The following NUDCD2 variants were observed in gnomAD, a reference collection of about 807,000 sequenced individuals.
NUDCD2 encodes NudC domain containing 2, also known as nudC domain-containing protein 2.
NUDCD2 carries 16 observed loss-of-function variants against 20.8 expected under a neutral mutation model. The ratio of observed to expected loss-of-function variants is 0.77; its 90% confidence interval spans 0.52 to 1.17. NUDCD2 has a LOEUF of 1.17. Ranked by LOEUF, NUDCD2 falls within the 50% of genes most tolerant of loss-of-function variation. NUDCD2 has a pLI of 0.00. For missense variants in NUDCD2, 199 were observed against 193.9 expected, an observed-to-expected ratio of 1.03 and a Z score of -0.16; for synonymous variants, 87 against 72.8, an observed-to-expected ratio of 1.20 and a Z score of -1.00.
rs534353131 is a variant in NUDCD2, at chr5:163,451,341, A to G, written c.*2626T>C. 2 of 152,320 alleles carry G rather than the reference A, an allele frequency of 1.3e-5. No homozygotes were observed. The highest frequency in any genetic ancestry group is 4.8e-5 in the African/African-American group (2 of 41,578). 9.4% of individuals were successfully genotyped at this position (152,320 alleles called of 1,614,324 possible). A position where few individuals can be genotyped will look rare whatever the true frequency, so the allele number is the denominator to read the frequency against. ...TTATAACATGCTTGAAGACAAAAATATGGAGATGGGGATTAGATCAGTGGT... is the reference window on the plus strand; with the variant it reads ...TTATAACATGCTTGAAGACAAAAATGTGGAGATGGGGATTAGATCAGTGGT... On this transcript the variant is annotated 3_prime_UTR_variant, in exon 4 of 4. Coordinates refer to ENST00000302764, the MANE Select transcript of NUDCD2 (RefSeq NM_145266.6).
At chr5:163,457,774 T>C (rs996569485) in intron 1 of NUDCD2, among the ~76,000 whole-genome samples, 164 bp from the exon 2 acceptor site, 1 of 152,062 alleles carries the variant, frequency 6.6e-6, no homozygotes, top group Non-Finnish European at 1.5e-5. Context: ...GCAGGTAAAA[T>C]GGAAACTAGT....
intron 1 of NUDCD2, among the ~76,000 whole-genome samples, chr5:163,457,979 CTTTTTTTTTTTTTTT>C (rs540496894): frequency 6.8e-5 from 5 of 73,714 alleles, no homozygotes; most frequent in Non-Finnish European, 9.2e-5. Flanking sequence ...AAAATGTTGT[CTTTTTTTTTTTTTTT>C]TTTTTTTTTT....
rs1758234411 is a variant in NUDCD2, at chr5:163,453,670, T to C, written c.*297A>G. 1 of 198,142 alleles carries C rather than the reference T, an allele frequency of 5.0e-6. No individual in the cohort carries two copies. Among genetic ancestry groups the C allele is most frequent in the Non-Finnish European group, 1.0e-5 (1 of 98,460 alleles). The allele number at this position is 198,142 out of a possible 1,614,324, so 12.3% of individuals were successfully genotyped here. On this transcript the variant is annotated 3_prime_UTR_variant, in exon 4 of 4. Transcript: ENST00000302764. ...CCTTCATTTCACATGATCTATACTC[T>C]AATGTTCTTTTGTATTAAAAATATG...
At position 163,457,608 on chromosome 5, in the gene NUDCD2, G is replaced by A. The variant is rs752044053; in HGVS notation, c.192C>T (p.Gly64=). The A allele has an allele frequency of 5.1e-6, 8 of 1,581,000 alleles. No homozygotes were observed. The East Asian group carries it at 1.8e-4, about 35-fold the overall frequency. The change falls in exon 2 of 4, where the codon GGC becomes GGT. Residue 64 remains glycine, a splice_region_variant and synonymous_variant. Coordinates refer to ENST00000302764, the MANE Select transcript of NUDCD2 (RefSeq NM_145266.6). ...CAGCTATTGTAGAATCAAAGAGTTT[G>A]CCCTGAAAAATAAACATATAAGGTG... is the stretch of plus-strand genomic sequence containing the variant. ...LSVGGREILK[G]KLFDSTIADE... is the part of the protein sequence containing the mutation.
In NUDCD2 at chr5:163,450,289, G is replaced by A. The variant is rs979148432; in HGVS notation, c.*3678C>T. 6 of 152,162 alleles carry A rather than the reference G, an allele frequency of 3.9e-5. No individual in the cohort carries two copies. Among genetic ancestry groups the A allele is most frequent in the Admixed American group, 3.3e-4 (5 of 15,284 alleles). 9.4% of individuals were successfully genotyped at this position (152,162 alleles called of 1,614,324 possible). On this transcript the variant is annotated 3_prime_UTR_variant, in exon 4 of 4. Transcript: ENST00000302764. ...AAAAGAAAAAAGAAAAATTCCTCAT[G>A]ACCTGGGGTTAAGGTTCCTAGACAT... is the stretch of plus-strand genomic sequence containing the variant.
chr5:163,454,027 T>C lies in NUDCD2; in HGVS notation c.414A>G (p.Gly138=). Residue 138 remains glycine, a synonymous_variant, in exon 4 of 4, where the codon GGA becomes GGG. Coordinates refer to ENST00000302764, the MANE Select transcript of NUDCD2 (RefSeq NM_145266.6). ...QKENPGFDFS[G]AEISGNYTKG... is the part of the protein sequence containing the mutation. The stretch of plus-strand genomic sequence containing the variant: ...TAGTGTAGTTTCCTGAGATTTCTGC[T>C]CCACTGAAGTCAAAACCAGGATTCT... 6.4e-7 allele frequency: 1 copy of C among 1,553,540 alleles called. No homozygotes were observed. The highest frequency in any genetic ancestry group is 8.7e-7 in the Non-Finnish European group (1 of 1,144,946).
In NUDCD2 at chr5:163,460,046, G is replaced by A. The variant is rs777000931; in HGVS notation, c.5C>T (p.Ser2Leu). 8.9e-6 allele frequency: 14 copies of A among 1,577,734 alleles called. No individual in the cohort carries two copies. The highest frequency in any genetic ancestry group is 8.1e-5 in the South Asian group (7 of 86,900). Residue 2 changes from serine to leucine, a missense_variant, in exon 1 of 4, where the codon TCG becomes TTG. Transcript: ENST00000302764. ...CCCACTCCGCTCCTCAAACGGGGCCGACATAATCCAGTCCCTCCCGGCCGC... is the reference window on the plus strand; with the variant it reads ...CCCACTCCGCTCCTCAAACGGGGCCAACATAATCCAGTCCCTCCCGGCCGC... MSAPFEERSGVV... is the reference protein window; with the variant it reads MLAPFEERSGVV...
At chr5:163,459,788 A>G (rs1430553070) in intron 1 of NUDCD2, 74 bp downstream of exon 1, 26 of 1,361,860 alleles carry the variant, frequency 1.9e-5, no homozygotes, top group Non-Finnish European at 2.5e-5. Context: ...GGGACACCCA[A>G]CAGTCGTTCA....
intron 3 of NUDCD2, among the ~76,000 whole-genome samples, chr5:163,456,463 A>G (rs1003926699): frequency 6.6e-6 from 1 of 152,036 alleles, no homozygotes; most frequent in African/African-American, 2.4e-5. Context: ...AAAGAGACCC[A>G]CAGCATATTA....
rs958309698 is a variant in NUDCD2 at position 163,450,508 on chromosome 5, A to C, written c.*3459T>G. On this transcript the variant is annotated 3_prime_UTR_variant, in exon 4 of 4. Coordinates refer to ENST00000302764, the MANE Select transcript of NUDCD2 (RefSeq NM_145266.6). ...AATAAGACAACTAAAAAAATGGGTA[A>C]ATAATTTGAATAAACACTGCTTTAA... The C allele has an allele frequency of 1.3e-5, 2 of 152,238 alleles. No individual in the cohort carries two copies. The highest frequency in any genetic ancestry group is 4.8e-5 in the African/African-American group (2 of 41,466). 9.4% of individuals were successfully genotyped at this position (152,238 alleles called of 1,614,324 possible).
chr5:163,449,264 A>C lies in NUDCD2; in HGVS notation c.*4703T>G, dbSNP rs1364066627. ...GTAGAAAACTTAATGAGTTAACAAC[A>C]AAATAACTCCCAAAACTAATGAAGT... On this transcript the variant is annotated 3_prime_UTR_variant, in exon 4 of 4. Transcript: ENST00000302764. The C allele has an allele frequency of 1.3e-5, 2 of 152,136 alleles. No individual in the cohort carries two copies. The highest frequency in any genetic ancestry group is 4.8e-5 in the African/African-American group (2 of 41,458). 9.4% of individuals were successfully genotyped at this position (152,136 alleles called of 1,614,324 possible).
chr5:163,457,337 G>A (rs761804416), intron 2 of NUDCD2, among the ~76,000 whole-genome samples: 6 of 151,972 alleles, frequency 3.9e-5, no homozygotes, highest in South Asian at 2.1e-4. Flanking sequence ...TTGCCATGTT[G>A]GCCAGGGTGG....
Position 163,453,382 on chromosome 5 carries a change from CTAT to C in NUDCD2, c.*582_*584del, listed in dbSNP as rs1248049985. 1 of 152,184 alleles carries C rather than the reference CTAT, an allele frequency of 6.6e-6. No homozygotes were observed. Among genetic ancestry groups the C allele is most frequent in the Non-Finnish European group, 1.5e-5 (1 of 68,004 alleles). The allele number at this position is 152,184 out of a possible 1,614,324, so 9.4% of individuals were successfully genotyped here. A position where few individuals can be genotyped will look rare whatever the true frequency, so the allele number is the denominator to read the frequency against. ...ACTTCTCTTTTGTGTTAATCCACTT[CTAT>C]TGTTAGGGTTTTAACTATTTTTAAA... On this transcript the variant is annotated 3_prime_UTR_variant, in exon 4 of 4. Coordinates refer to ENST00000302764, the MANE Select transcript of NUDCD2 (RefSeq NM_145266.6).
chr5:163,455,069 G>A (rs1171000308), intron 3 of NUDCD2, among the ~76,000 whole-genome samples: 1 of 151,828 alleles, frequency 6.6e-6, no homozygotes, highest in Non-Finnish European at 1.5e-5. Context: ...TATAAAACAG[G>A]TAGTGGGCCA....
At chr5:163,456,163 G>GA (rs1202125792) in intron 3 of NUDCD2, among the ~76,000 whole-genome samples, 1 of 151,962 alleles carries the variant, frequency 6.6e-6, no homozygotes, top group African/African-American at 2.4e-5. Flanking sequence ...CCTAAATTCA[G>GA]AAAAAAAGTC....
rs1251801151 is a variant in NUDCD2 at position 163,449,347 on chromosome 5, C to T, written c.*4620G>A. On this transcript the variant is annotated 3_prime_UTR_variant, in exon 4 of 4. Coordinates refer to ENST00000302764, the MANE Select transcript of NUDCD2 (RefSeq NM_145266.6). ...CAAAAATCAAACACATTTGTACATA[C>T]TAGCGATGTGCAATTGGAAACCCAT... is the stretch of plus-strand genomic sequence containing the variant. 6.6e-6 allele frequency: 1 copy of T among 152,174 alleles called. No individual in the cohort carries two copies. Among genetic ancestry groups the T allele is most frequent in the African/African-American group, 2.4e-5 (1 of 41,440 alleles). The allele number at this position is 152,174 out of a possible 1,614,324, so 9.4% of individuals were successfully genotyped here. A position where few individuals can be genotyped will look rare whatever the true frequency, so the allele number is the denominator to read the frequency against.
At chr5:163,457,172 C>G (rs1414968429) in intron 2 of NUDCD2, 92 bp from the exon 3 acceptor site, 1 of 1,328,380 alleles carries the variant, frequency 7.5e-7, no homozygotes, top group African/African-American at 1.5e-5. Flanking sequence ...ATCACTCTCA[C>G]CCAGGCTGGA....
In NUDCD2 at chr5:163,457,042, T is replaced by G. The variant is rs139292728; in HGVS notation, c.277A>C (p.Lys93Gln). Reference sequence around the variant, plus strand: ...GTCCAACAATTTGCTGCATCTCTCTTTGTCTTTGTAAGAACAATACGAACC... The same window carrying G: ...GTCCAACAATTTGCTGCATCTCTCTGTGTCTTTGTAAGAACAATACGAACC... ...KMVRIVLTKT[K>Q]RDAANCWTSL... The change falls in exon 3 of 4, where the codon AAG (lysine) becomes CAG (glutamine). Residue 93 changes from lysine to glutamine, a missense_variant. Transcript: ENST00000302764. 2.9e-5 allele frequency: 46 copies of G among 1,613,100 alleles called. No individual in the cohort carries two copies. Among genetic ancestry groups the G allele is most frequent in the Non-Finnish European group, 3.6e-5 (42 of 1,179,668 alleles).
chr5:163,453,958 A>T lies in NUDCD2; in HGVS notation c.*9T>A. 3.4e-6 allele frequency: 5 copies of T among 1,486,106 alleles called. No homozygotes were observed. Among genetic ancestry groups the T allele is most frequent in the Non-Finnish European group, 4.6e-6 (5 of 1,098,634 alleles). 92.1% of individuals were successfully genotyped at this position (1,486,106 alleles called of 1,614,324 possible). On this transcript the variant is annotated 3_prime_UTR_variant, in exon 4 of 4. Coordinates refer to ENST00000302764, the MANE Select transcript of NUDCD2 (RefSeq NM_145266.6). ...TGCTAGGATCCACAGAATGCAGGAA[A>T]AAAAGCAGTTATTTCTCAAGGTTTG...
Sources: allele counts gnomAD v4.1 joint callset (sites outside exome capture counted in the v4.1 genomes callset), GRCh38; gene constraint gnomAD v4.1.1; transcripts MANE v1.5; gene names NCBI Gene and HGNC (gene_info 2026-07-23, HGNC 2026-07-21).